Variants in MMP15 observed in about 807,000 individuals in gnomAD.
The protein encoded by MMP15 is matrix metallopeptidase 15.
A neutral mutation model predicts 65.0 loss-of-function variants in MMP15; 36 were observed. The ratio of observed to expected loss-of-function variants is 0.55; its 90% confidence interval spans 0.42 to 0.73. MMP15 has a LOEUF of 0.73. MMP15 is among the 30% of genes least tolerant of loss of function. The pLI is 0.00. For missense variants in MMP15, 870 were observed against 987.8 expected (o/e 0.88, Z 1.60); for synonymous variants, 428 against 410.2 (o/e 1.04, Z -0.52).
Position 58,037,618 on chromosome 16 carries a change from G to GGAGT in MMP15, c.311+3_311+6dup. On this transcript the variant is annotated frameshift_variant and splice_region_variant, in exon 2 of 10. Transcript: ENST00000219271. LOFTEE classifies it high-confidence loss of function. Reference sequence around the variant, plus strand: ...CCGGTGTGCTCGACGAAGAGACCAAGGAGTGAGTTCCCCCCACCATCCACA... The same window carrying GGAGT: ...CCGGTGTGCTCGACGAAGAGACCAAGGAGTGAGTGAGTTCCCCCCACCATCCACA... 8 of 1,614,030 alleles carry GGAGT rather than the reference G, an allele frequency of 5.0e-6. No individual in the cohort carries two copies. In the Admixed American group the frequency reaches 1.3e-4, roughly 27 times the overall value.
chr16:58,028,368 C>G (rs906486011), intron 1 of MMP15, among the ~76,000 whole-genome samples: 1 of 152,142 alleles, frequency 6.6e-6, no homozygotes, highest in Non-Finnish European at 1.5e-5. Context: ...GAAGAGACCC[C>G]GGAAGGTTTA....
rs543717290 is a variant in MMP15, at chr16:58,038,479, C to G, written c.440+85C>G. On this transcript the variant is annotated intron_variant, in intron 3 of 9. Coordinates refer to ENST00000219271, the MANE Select transcript of MMP15 (RefSeq NM_002428.4). The stretch of plus-strand genomic sequence containing the variant: ...CCTTTCCCAGAGCCCACCTCGGCGC[C>G]CAGCCTTAACAGTCCAGCCCGCTTT... 6.4e-6 allele frequency: 10 copies of G among 1,560,188 alleles called. No individual in the cohort carries two copies. In the South Asian group the frequency reaches 1.2e-4, roughly 18 times the overall value.
At position 58,026,530 on chromosome 16, in the gene MMP15, C is replaced by A; in HGVS notation, c.162+18C>A. On this transcript the variant is annotated intron_variant, in intron 1 of 9. Transcript: ENST00000219271. The stretch of plus-strand genomic sequence containing the variant: ...ATGCCGAGGTAAGACCCCCGCCCTG[C>A]CCTTTGGCTGCGGGCTGGGGGCTTG... The A allele has an allele frequency of 7.6e-7, 1 of 1,312,190 alleles. No individual in the cohort carries two copies. The highest frequency in any genetic ancestry group is 9.7e-7 in the Non-Finnish European group (1 of 1,028,384). 81.3% of individuals were successfully genotyped at this position (1,312,190 alleles called of 1,614,324 possible).
intron 2 of MMP15, 132 bp from the exon 3 acceptor site, chr16:58,038,134 A>C: frequency 8.2e-7 from 1 of 1,225,898 alleles, no homozygotes; most frequent in Non-Finnish European, 1.1e-6. Context: ...GTTGAAGCTG[A>C]GAGTCCCCCA....
rs941840093 is a variant in MMP15, at chr16:58,045,845, C to G, written c.*399C>G. 1.0e-5 allele frequency: 2 copies of G among 193,390 alleles called. No individual in the cohort carries two copies. Among genetic ancestry groups the G allele is most frequent in the Non-Finnish European group, 2.1e-5 (2 of 94,100 alleles). 12.0% of individuals were successfully genotyped at this position (193,390 alleles called of 1,614,324 possible). ...GCCCAGTTGGAGACTGTCTGGCCCCCCTGGTCCCCTCCTTCCCAAGTGAGT... is the reference window on the plus strand; with the variant it reads ...GCCCAGTTGGAGACTGTCTGGCCCCGCTGGTCCCCTCCTTCCCAAGTGAGT... On this transcript the variant is annotated 3_prime_UTR_variant, in exon 10 of 10. Transcript: ENST00000219271.
At position 58,045,537 on chromosome 16, in the gene MMP15, C is replaced by G. The variant is rs1213504453; in HGVS notation, c.*91C>G. The G allele has an allele frequency of 9.3e-7, 1 of 1,074,458 alleles. No homozygotes were observed. Among genetic ancestry groups the G allele is most frequent in the Non-Finnish European group, 1.3e-6 (1 of 768,804 alleles). The allele number at this position is 1,074,458 out of a possible 1,614,324, so 66.6% of individuals were successfully genotyped here. A position where few individuals can be genotyped will look rare whatever the true frequency, so the allele number is the denominator to read the frequency against. On this transcript the variant is annotated 3_prime_UTR_variant, in exon 10 of 10. Transcript: ENST00000219271. Reference sequence around the variant, plus strand: ...TCCCTCCGCCCCCAGGTAGGGGCCCCTCTCAGCCCTCACACACCCTGTCTG... The same window carrying G: ...TCCCTCCGCCCCCAGGTAGGGGCCCGTCTCAGCCCTCACACACCCTGTCTG...
intron 6 of MMP15, 83 bp from the exon 7 acceptor site, chr16:58,042,148 T>C: frequency 6.6e-7 from 1 of 1,520,394 alleles, no homozygotes; most frequent in Non-Finnish European, 8.9e-7. Context: ...CACCCTCACC[T>C]GGGAAGGGGT....
Position 58,043,540 on chromosome 16 carries a change from C to A in MMP15, c.1483C>A (p.Arg495Ser). The A allele has an allele frequency of 6.2e-7, 1 of 1,613,998 alleles. No individual in the cohort carries two copies. The highest frequency in any genetic ancestry group is 8.5e-7 in the Non-Finnish European group (1 of 1,179,938). ...RYWRFNEETQ[R>S]GDPGYPKPIS... ...CTGGCGCTTCAACGAGGAGACACAGCGTGGAGACCCTGGGTACCCCAAGCC... is the reference window on the plus strand; with the variant it reads ...CTGGCGCTTCAACGAGGAGACACAGAGTGGAGACCCTGGGTACCCCAAGCC... The change falls in exon 9 of 10, where the codon CGT (arginine) becomes AGT (serine). Residue 495 changes from arginine (R) to serine (S), a missense_variant. By Grantham distance (110) the Arg-to-Ser change is moderately radical (BLOSUM62 -1). Coordinates refer to ENST00000219271, the MANE Select transcript of MMP15 (RefSeq NM_002428.4).
At chr16:58,036,208 C>T (rs1464288551) in intron 1 of MMP15, among the ~76,000 whole-genome samples, 1 of 152,190 alleles carries the variant, frequency 6.6e-6, no homozygotes, top group East Asian at 1.9e-4. Flanking sequence ...TCCAGGGCAG[C>T]CCCTGGCCTC....
intron 7 of MMP15, 65 bp downstream of exon 7, chr16:58,042,434 C>CTGAGAGAAGA (rs1434491507): frequency 1.1e-5 from 17 of 1,582,180 alleles, no homozygotes; most frequent in Non-Finnish European, 1.3e-5. Context: ...CCTGCTGGAT[C>CTGAGAGAAGA]TGAGAGAAGA....
intron 1 of MMP15, among the ~76,000 whole-genome samples, chr16:58,032,499 G>C (rs1033100717): frequency 1.3e-5 from 2 of 152,244 alleles, no homozygotes; most frequent in African/African-American, 4.8e-5. Flanking sequence ...GCTGTAGTCC[G>C]TAGAGGCCTG....
Position 58,041,890 on chromosome 16 carries a change from G to T in MMP15, c.1164+20G>T, listed in dbSNP as rs772680074. On this transcript the variant is annotated intron_variant, in intron 6 of 9. Transcript: ENST00000219271. ...TTCAAGGTCTGGCCCCGCCTCCCAT[G>T]CCTGGCCCTGAGCCTTTTCCCTGGC... 2 of 1,559,124 alleles carry T rather than the reference G, an allele frequency of 1.3e-6. No homozygotes were observed. Among genetic ancestry groups the T allele is most frequent in the East Asian group, 2.2e-5 (1 of 44,490 alleles).
At position 58,026,515 on chromosome 16, in the gene MMP15, A is replaced by G. The variant is rs763704343; in HGVS notation, c.162+3A>G. 7.4e-7 allele frequency: 1 copy of G among 1,342,876 alleles called. No individual in the cohort carries two copies. The highest frequency in any genetic ancestry group is 9.6e-7 in the Non-Finnish European group (1 of 1,044,800). 83.2% of individuals were successfully genotyped at this position (1,342,876 alleles called of 1,614,324 possible). A position where few individuals can be genotyped will look rare whatever the true frequency, so the allele number is the denominator to read the frequency against. On this transcript the variant is annotated splice_donor_region_variant and intron_variant, in intron 1 of 9. Coordinates refer to ENST00000219271, the MANE Select transcript of MMP15 (RefSeq NM_002428.4). Reference sequence around the variant, plus strand: ...AAGACGCGGAGGTCCATGCCGAGGTAAGACCCCCGCCCTGCCCTTTGGCTG... The same window carrying G: ...AAGACGCGGAGGTCCATGCCGAGGTGAGACCCCCGCCCTGCCCTTTGGCTG...
At position 58,038,344 on chromosome 16, in the gene MMP15, G is replaced by C; in HGVS notation, c.390G>C (p.Lys130Asn). 6.2e-7 allele frequency: 1 copy of C among 1,614,074 alleles called. No homozygotes were observed. Among genetic ancestry groups the C allele is most frequent in the Non-Finnish European group, 8.5e-7 (1 of 1,180,012 alleles). ...AAGCCAACCTGCGGCGGCGTCGGAA[G>C]CGCTACGCCCTCACCGGGAGGAAGT... ...RVKANLRRRRKRYALTGRKWN... is the reference protein window; with the variant it reads ...RVKANLRRRRNRYALTGRKWN... The change falls in exon 3 of 10, where the codon AAG (lysine) becomes AAC (asparagine). Residue 130 changes from lysine to asparagine, a missense_variant. Transcript: ENST00000219271.
chr16:58,033,641 G>A (rs922945515), intron 1 of MMP15, among the ~76,000 whole-genome samples: 2 of 152,222 alleles, frequency 1.3e-5, no homozygotes, highest in Non-Finnish European at 1.5e-5. Context: ...TGGTGGCTCC[G>A]CCTGTAATCC....
rs1471267233 is a variant in MMP15 at position 58,033,201 on chromosome 16, G to GGA, written c.163-4269_163-4268dup. On this transcript the variant is annotated intron_variant, in intron 1 of 9. Coordinates refer to ENST00000219271, the MANE Select transcript of MMP15 (RefSeq NM_002428.4). ...ACCCGGCCGGAGATGTCGGGTGTGG[G>GGA]GAGGATTAGGCACCCTTCCCCGTGC... Among the ~76,000 whole-genome samples the GGA allele has an allele frequency of 1.5e-4, 23 of 152,342 alleles. No homozygotes were observed. The South Asian group carries it at 4.8e-3, about 32-fold the overall frequency.
chr16:58,026,634 CG>C (rs1963819582), intron 1 of MMP15, 122 bp downstream of exon 1: 3 of 1,119,566 alleles, frequency 2.7e-6, no homozygotes, highest in Non-Finnish European at 1.1e-6. Flanking sequence ...TGGGCCGTGG[CG>C]GGGAAGCAAG....
chr16:58,033,818 G>A (rs1363052404), intron 1 of MMP15, among the ~76,000 whole-genome samples: 5 of 152,210 alleles, frequency 3.3e-5, no homozygotes, highest in Non-Finnish European at 7.4e-5. Flanking sequence ...CAGAAGAATC[G>A]CTTGAACTCA....
intron 1 of MMP15, among the ~76,000 whole-genome samples, chr16:58,032,791 G>C (rs1959258363): frequency 6.6e-6 from 1 of 151,652 alleles, no homozygotes; most frequent in Non-Finnish European, 1.5e-5. Flanking sequence ...GGCCACAAAA[G>C]GTCCGGGGGC....
Sources: gnomAD v4.1 joint callset for allele counts (sites outside exome capture counted in the v4.1 genomes callset) on GRCh38, gnomAD v4.1.1 for gene constraint, MANE v1.5 for transcripts, NCBI Gene and HGNC (gene_info 2026-07-23, HGNC 2026-07-21) for gene names.